Variants in WWP2 observed in about 807,000 individuals in gnomAD.
WWP2 encodes NEDD4-like E3 ubiquitin-protein ligase WWP2.
Under a neutral mutation model 121.0 loss-of-function variants are expected in WWP2, and 57 were observed. The observed-to-expected ratio is 0.47, with a 90% CI of 0.38 to 0.59. The LOEUF is 0.59. Ranked by LOEUF, WWP2 falls within the 20% of genes least tolerant of loss-of-function variation. The pLI, the probability that WWP2 is intolerant of heterozygous loss-of-function variation, is 0.00. For synonymous variants in WWP2, 449 were observed against 441.3 expected, an observed-to-expected ratio of 1.02 and a Z score of -0.22; for missense variants, 962 against 1,158.9, an observed-to-expected ratio of 0.83 and a Z score of 2.47.
chr16:69,836,240 G>A (rs1448491913), intron 4 of WWP2, among the ~76,000 whole-genome samples: 5 of 151,416 alleles, frequency 3.3e-5, no homozygotes, highest in African/African-American at 7.3e-5. Flanking sequence ...CACAATTCAC[G>A]CATGGCATTT....
At chr16:69,827,951 A>G (rs1392376811) in intron 4 of WWP2, 2 of 454,466 alleles carry the variant, frequency 4.4e-6, no homozygotes, top group East Asian at 1.4e-4. Flanking sequence ...AGACGGATGA[A>G]ATCTTTGTAT....
intron 19 of WWP2, 77 bp downstream of exon 19, chr16:69,936,529 C>A: frequency 6.3e-7 from 1 of 1,577,740 alleles, no homozygotes; most frequent in Non-Finnish European, 8.7e-7. Context: ...GATGGGCCCC[C>A]ACCTGTGGCC....
chr16:69,867,643 C>T (rs926215524), intron 6 of WWP2, among the ~76,000 whole-genome samples: 1 of 152,154 alleles, frequency 6.6e-6, no homozygotes, highest in South Asian at 2.1e-4. Flanking sequence ...TCGTGGCTGG[C>T]CTGCCTTCAG....
chr16:69,781,432 A>T (rs1358614294), intron 1 of WWP2, among the ~76,000 whole-genome samples: 1 of 151,874 alleles, frequency 6.6e-6, no homozygotes, highest in Non-Finnish European at 1.5e-5. Flanking sequence ...TGCAGCCTTG[A>T]CCTCCTGGGC....
intron 7 of WWP2, among the ~76,000 whole-genome samples, chr16:69,873,732 C>T (rs1358304620): frequency 6.6e-6 from 1 of 152,098 alleles, no homozygotes; most frequent in African/African-American, 2.4e-5. Flanking sequence ...CTTTTAGGAA[C>T]CAGCTGATTC....
At chr16:69,768,648 G>C (rs1016288427) in intron 1 of WWP2, among the ~76,000 whole-genome samples, 5 of 152,014 alleles carry the variant, frequency 3.3e-5, no homozygotes, top group African/African-American at 1.2e-4. Context: ...CAAGTACCAA[G>C]ACATGGCAGT....
intron 4 of WWP2, among the ~76,000 whole-genome samples, chr16:69,831,722 C>G (rs2056796324): frequency 6.6e-6 from 1 of 151,068 alleles, no homozygotes; most frequent in Non-Finnish European, 1.5e-5. Context: ...GATGTGTCTT[C>G]TACCTTTTTA....
intron 6 of WWP2, among the ~76,000 whole-genome samples, chr16:69,843,001 A>G (rs1296894012): frequency 6.6e-6 from 1 of 152,116 alleles, no homozygotes. Context: ...TTGTGAAAGA[A>G]TTCAGGATTC....
chr16:69,790,434 G>A (rs531165565), intron 2 of WWP2, among the ~76,000 whole-genome samples: 3 of 152,280 alleles, frequency 2.0e-5, no homozygotes, highest in Admixed American at 2.0e-4. Flanking sequence ...TTCATGTTGA[G>A]TAGCTGAGGA....
chr16:69,863,506 G>A (rs1004264342), intron 6 of WWP2, among the ~76,000 whole-genome samples: 5 of 152,154 alleles, frequency 3.3e-5, no homozygotes, highest in East Asian at 3.9e-4. Context: ...GGGCGAGGTG[G>A]CAGGCGCCTG....
At chr16:69,938,872 G>A (rs1436226257) in intron 21 of WWP2, among the ~76,000 whole-genome samples, 155 bp from the exon 22 acceptor site, 1 of 152,176 alleles carries the variant, frequency 6.6e-6, no homozygotes, top group African/African-American at 2.4e-5. Context: ...AGCACTTCTG[G>A]GGTTTCTCAG....
intron 4 of WWP2, among the ~76,000 whole-genome samples, chr16:69,815,822 A>G (rs1248287250): frequency 6.6e-6 from 1 of 151,326 alleles, no homozygotes; most frequent in Non-Finnish European, 1.5e-5. Context: ...AATCATACAT[A>G]CTGTATATTA....
At chr16:69,800,475 T>C (rs2056139020) in intron 4 of WWP2, among the ~76,000 whole-genome samples, 1 of 152,178 alleles carries the variant, frequency 6.6e-6, no homozygotes, top group African/African-American at 2.4e-5. Context: ...CTTTTGCTTT[T>C]GGTTAGCAAA....
Position 69,933,994 on chromosome 16 carries a change from T to C in WWP2, c.1707T>C (p.His569=), listed in dbSNP as rs2270841. Residue 569 remains histidine (H), a synonymous_variant, in exon 17 of 24, where the codon CAT becomes CAC. Coordinates refer to ENST00000359154, the MANE Select transcript of WWP2 (RefSeq NM_001270454.2). The stretch of plus-strand genomic sequence containing the variant: ...GAGAGTGGTTTTTCCTCCTGTCTCA[T>C]GAGGTGCTCAACCCTATGTATTGTT... ...IAREWFFLLS[H]EVLNPMYCLF... 1,219,948 of 1,613,600 alleles carry C rather than the reference T, an allele frequency of 0.76. 463,985 individuals carry two copies. Among genetic ancestry groups the C allele is most frequent in the East Asian group, 0.96 (43,234 of 44,880 alleles).
chr16:69,834,759 C>A (rs1245201306), intron 4 of WWP2, among the ~76,000 whole-genome samples: 1 of 151,874 alleles, frequency 6.6e-6, no homozygotes, highest in Non-Finnish European at 1.5e-5. Flanking sequence ...AACTCCTGAC[C>A]TCAAATGATC....
intron 1 of WWP2, among the ~76,000 whole-genome samples, chr16:69,782,668 A>G (rs2055689026): frequency 6.6e-6 from 1 of 152,220 alleles, no homozygotes; most frequent in Non-Finnish European, 1.5e-5. Flanking sequence ...ATTACAGACT[A>G]GTCTAGAAAA....
chr16:69,794,322 A>G (rs2151805326), intron 2 of WWP2, among the ~76,000 whole-genome samples: 1 of 152,282 alleles, frequency 6.6e-6, no homozygotes, highest in African/African-American at 2.4e-5. Context: ...GCTCAGGCTT[A>G]AAGTTTGAGA....
At chr16:69,821,875 T>G (rs1030155956) in intron 4 of WWP2, among the ~76,000 whole-genome samples, 5 of 150,938 alleles carry the variant, frequency 3.3e-5, no homozygotes, top group Non-Finnish European at 7.4e-5. Flanking sequence ...TTTGTTTTGT[T>G]TTTTTTTTAA....
At chr16:69,858,293 G>A (rs1219402587) in intron 6 of WWP2, among the ~76,000 whole-genome samples, 1 of 152,118 alleles carries the variant, frequency 6.6e-6, no homozygotes, top group African/African-American at 2.4e-5. Flanking sequence ...ACCAGGCCAC[G>A]GCTCTGTGTG....
Sources: allele counts gnomAD v4.1 joint callset (sites outside exome capture counted in the v4.1 genomes callset), GRCh38; gene constraint gnomAD v4.1.1; transcripts MANE v1.5; gene names NCBI Gene and HGNC (gene_info 2026-07-23, HGNC 2026-07-21).